PRR5: variants seen among roughly 807,000 people sequenced by gnomAD.
PRR5 encodes the protein proline rich 5.
PRR5 carries 25 observed loss-of-function variants against 30.6 expected under a neutral mutation model. The ratio of observed to expected loss-of-function variants is 0.82; its 90% CI spans 0.60 to 1.14. PRR5 has a LOEUF of 1.14. Among genes scored for constraint, PRR5 ranks in the 50% most tolerant of loss-of-function variants. The pLI is 0.00. For missense variants in PRR5, 600 were observed against 547.1 expected (o/e 1.10, Z -0.96); for synonymous variants, 286 against 247.1 (o/e 1.16, Z -1.48).
At chr22:44,683,426 C>T (rs1481765048) in intron 1 of PRR5, among the ~76,000 whole-genome samples, 1 of 152,224 alleles carries the variant, frequency 6.6e-6, no homozygotes, top group Non-Finnish European at 1.5e-5. Context: ...CCATCTGCCA[C>T]CCACACCCAG....
intron 2 of PRR5, among the ~76,000 whole-genome samples, chr22:44,722,018 G>A (rs1311631147): frequency 1.3e-5 from 2 of 152,322 alleles, no homozygotes; most frequent in South Asian, 2.1e-4. Context: ...GGTCCTTGGC[G>A]GACCAGAGGA....
At chr22:44,685,889 C>T (rs755134662) in intron 1 of PRR5, among the ~76,000 whole-genome samples, 69 of 152,320 alleles carry the variant, frequency 4.5e-4, no homozygotes, top group Non-Finnish European at 9.3e-4. Flanking sequence ...GGCCCTGTGC[C>T]CAGGGCCCTG....
At chr22:44,730,138 C>G in intron 4 of PRR5, 1 of 985,110 alleles carries the variant, frequency 1.0e-6, no homozygotes, top group Non-Finnish European at 1.2e-6. Context: ...TGCCCTCGAA[C>G]CTACATGAAG....
chr22:44,684,063 T>G (rs1191005425), intron 1 of PRR5, among the ~76,000 whole-genome samples: 1 of 151,890 alleles, frequency 6.6e-6, no homozygotes, highest in Admixed American at 6.6e-5. Context: ...CTTCCAGAAT[T>G]GATTGAGGGT....
chr22:44,734,733 G>A (rs1922877150), intron 6 of PRR5: 3 of 458,794 alleles, frequency 6.5e-6, no homozygotes, highest in South Asian at 5.8e-5. Flanking sequence ...GGGCCCCTCC[G>A]AGGGGTGGAA....
At chr22:44,703,253 C>T (rs1296811189) in intron 1 of PRR5, among the ~76,000 whole-genome samples, 1 of 152,156 alleles carries the variant, frequency 6.6e-6, no homozygotes, top group African/African-American at 2.4e-5. Flanking sequence ...TGGAACTCCC[C>T]AGCGTCTCTG....
chr22:44,706,388 TAAAC>T (rs1025315643), intron 1 of PRR5, among the ~76,000 whole-genome samples: 1 of 152,130 alleles, frequency 6.6e-6, no homozygotes, highest in African/African-American at 2.4e-5. Flanking sequence ...CATTGGTAAA[TAAAC>T]AAGGAGGTAA....
chr22:44,732,904 C>T (rs1343861067), intron 6 of PRR5, among the ~76,000 whole-genome samples: 1 of 147,510 alleles, frequency 6.8e-6, no homozygotes, highest in Admixed American at 6.6e-5. Context: ...CGTGCACACG[C>T]ATACACACTA....
rs903012057 is a variant in PRR5 at position 44,729,638 on chromosome 22, T to G, written c.323-2092T>G. ...TTCCTGGGGTCGCCCCATACCTGCC[T>G]CCGACTAACCCTACTGCCCCACAGA... On this transcript the variant is annotated intron_variant, in intron 4 of 7. Transcript: ENST00000336985. 7 of 985,320 alleles carry G rather than the reference T, an allele frequency of 7.1e-6. No individual in the cohort carries two copies. In the African/African-American group the frequency reaches 1.2e-4, roughly 17 times the overall value. 61.0% of individuals were successfully genotyped at this position (985,320 alleles called of 1,614,324 possible).
At chr22:44,687,186 G>C (rs1331541919) in intron 1 of PRR5, among the ~76,000 whole-genome samples, 1 of 152,124 alleles carries the variant, frequency 6.6e-6, no homozygotes, top group African/African-American at 2.4e-5. Flanking sequence ...ATACTTTTGG[G>C]GTATGTGTGA....
chr22:44,683,016 C>T (rs1289642026), intron 1 of PRR5, among the ~76,000 whole-genome samples: 1 of 152,188 alleles, frequency 6.6e-6, no homozygotes, highest in East Asian at 1.9e-4. Flanking sequence ...AAGATCATCC[C>T]AAAATAAGTG....
In PRR5 at chr22:44,712,265, G is replaced by A. The variant is rs1047193728; in HGVS notation, c.135-2326G>A. ...ACCCCAGGCCAGGGATACGTATCTG[G>A]CGTGATCTCGGCCAGTGCCCGCTGA... On this transcript the variant is annotated intron_variant, in intron 1 of 7. Transcript: ENST00000336985. Among the ~76,000 whole-genome samples, 10 of 152,212 alleles carry A rather than the reference G, an allele frequency of 6.6e-5. 1 individual carries two copies. The highest frequency in any genetic ancestry group is 6.5e-4 in the Admixed American group (10 of 15,288).
chr22:44,736,879 G>C lies in PRR5; in HGVS notation c.799G>C (p.Glu267Gln). ...TPLLNPVQEH[E>Q]AEGAAAGGTS... is the part of the protein sequence containing the mutation. Reference sequence around the variant, plus strand: ...TCTGCTGAACCCCGTGCAGGAGCACGAGGCGGAGGGCGCGGCGGCCGGCGG... The same window carrying C: ...TCTGCTGAACCCCGTGCAGGAGCACCAGGCGGAGGGCGCGGCGGCCGGCGG... Residue 267 changes from glutamate (E) to glutamine (Q), a missense_variant, in exon 8 of 8, where the codon GAG (glutamate) becomes CAG (glutamine). By Grantham distance (29) the Glu-to-Gln change is conservative. Coordinates refer to ENST00000336985, the MANE Select transcript of PRR5 (RefSeq NM_181333.4). 6.2e-7 allele frequency: 1 copy of C among 1,609,644 alleles called. No individual in the cohort carries two copies. The highest frequency in any genetic ancestry group is 1.3e-5 in the African/African-American group (1 of 75,018).
intron 1 of PRR5, among the ~76,000 whole-genome samples, chr22:44,687,915 C>T (rs922797358): frequency 1.3e-5 from 2 of 151,962 alleles, no homozygotes; most frequent in African/African-American, 2.4e-5. Flanking sequence ...GCTGGGACTA[C>T]AGGCGTCCAC....
At chr22:44,714,137 A>G (rs942116554) in intron 1 of PRR5, among the ~76,000 whole-genome samples, 1 of 152,164 alleles carries the variant, frequency 6.6e-6, no homozygotes, top group Non-Finnish European at 1.5e-5. Context: ...GGCAGGAAGC[A>G]TGAGGGGGTC....
At chr22:44,730,316 G>A in intron 4 of PRR5, 1 of 985,410 alleles carries the variant, frequency 1.0e-6, no homozygotes, top group Non-Finnish European at 1.2e-6. Context: ...CCCACACCAA[G>A]ATCTCTCTCG....
chr22:44,710,935 G>A (rs548858208), intron 1 of PRR5, among the ~76,000 whole-genome samples: 43 of 152,268 alleles, frequency 2.8e-4, no homozygotes, highest in African/African-American at 4.1e-4. Flanking sequence ...CCGGGCGGTC[G>A]GCACTGTACT....
upstream of PRR5, among the ~76,000 whole-genome samples, chr22:44,675,192 G>A (rs945103956): frequency 6.6e-6 from 1 of 151,542 alleles, no homozygotes; most frequent in South Asian, 2.1e-4. Context: ...AGAGGTTGCC[G>A]TGAGCCGAGA....
chr22:44,714,891 A>G (rs1928822968), intron 2 of PRR5, among the ~76,000 whole-genome samples: 1 of 152,038 alleles, frequency 6.6e-6, no homozygotes, highest in African/African-American at 2.4e-5. Context: ...TCCATAAACC[A>G]CTTCAGGCCT....
Sources: gnomAD v4.1 joint callset for allele counts (sites outside exome capture counted in the v4.1 genomes callset) on GRCh38, gnomAD v4.1.1 for gene constraint, MANE v1.5 for transcripts, NCBI Gene and HGNC (gene_info 2026-07-23, HGNC 2026-07-21) for gene names.